XKR4: variants seen among roughly 807,000 people sequenced by gnomAD.
XKR4 encodes the protein XK-related protein 4.
Under a neutral mutation model 53.9 loss-of-function variants are expected in XKR4, and 12 were observed. The observed-to-expected ratio is 0.22, with a 90% CI of 0.14 to 0.36. The LOEUF (loss-of-function observed/expected upper bound fraction) is 0.36. Ranked by LOEUF, XKR4 falls within the 10% of genes least tolerant of loss-of-function variation. The pLI is 1.00. For missense variants in XKR4, 799 were observed against 859.5 expected, an observed-to-expected ratio of 0.93 and a Z score of 0.88; for synonymous variants, 354 against 362.4, an observed-to-expected ratio of 0.98 and a Z score of 0.26.
At chr8:55,444,406 A>T (rs1805315122) in intron 2 of XKR4, among the ~76,000 whole-genome samples, 1 of 152,190 alleles carries the variant, frequency 6.6e-6, no homozygotes, top group Non-Finnish European at 1.5e-5. Context: ...TTTTTCTTTC[A>T]TCAAAAGACT....
At chr8:55,518,534 A>G (rs1297822630) in intron 2 of XKR4, among the ~76,000 whole-genome samples, 1 of 152,230 alleles carries the variant, frequency 6.6e-6, no homozygotes, top group African/African-American at 2.4e-5. Flanking sequence ...AAAATGAAGC[A>G]TAATTATAAA....
At chr8:55,481,440 A>G (rs998510106) in intron 2 of XKR4, among the ~76,000 whole-genome samples, 1 of 152,032 alleles carries the variant, frequency 6.6e-6, no homozygotes, top group African/African-American at 2.4e-5. Context: ...AACCATAAAA[A>G]CCCTAGAAGA....
chr8:55,336,089 G>C (rs1257810218), intron 1 of XKR4, among the ~76,000 whole-genome samples: 2 of 151,112 alleles, frequency 1.3e-5, no homozygotes, highest in Non-Finnish European at 2.9e-5. Flanking sequence ...TTATAAAAGT[G>C]GGTGATATGG....
intron 2 of XKR4, among the ~76,000 whole-genome samples, chr8:55,438,798 G>A (rs1180420924): frequency 6.6e-6 from 1 of 152,154 alleles, no homozygotes; most frequent in African/African-American, 2.4e-5. Context: ...GAGTTGGCAG[G>A]AATATAAGGA....
intron 2 of XKR4, among the ~76,000 whole-genome samples, chr8:55,472,506 C>A (rs946613493): frequency 6.6e-5 from 10 of 152,148 alleles, no homozygotes; most frequent in Admixed American, 6.5e-4. Context: ...CAGAGGGAAA[C>A]GAGACCAGGT....
At chr8:55,384,100 G>C (rs1282180695) in intron 2 of XKR4, among the ~76,000 whole-genome samples, 1 of 152,204 alleles carries the variant, frequency 6.6e-6, no homozygotes, top group Non-Finnish European at 1.5e-5. Flanking sequence ...AGACACTAGA[G>C]GTGAGGACTT....
intron 2 of XKR4, among the ~76,000 whole-genome samples, chr8:55,386,740 G>A (rs765667074): frequency 3.7e-4 from 57 of 152,176 alleles, no homozygotes; most frequent in Admixed American, 4.6e-4. Context: ...GGGAGTACAG[G>A]CCAGTGGACT....
intron 2 of XKR4, among the ~76,000 whole-genome samples, chr8:55,371,001 C>A (rs1585542984): frequency 6.6e-6 from 1 of 151,460 alleles, no homozygotes; most frequent in South Asian, 2.1e-4. Context: ...AAAGAGAGAC[C>A]AAAACCTTAT....
At chr8:55,158,742 T>C (rs1046133412) in intron 1 of XKR4, among the ~76,000 whole-genome samples, 1 of 152,232 alleles carries the variant, frequency 6.6e-6, no homozygotes, top group African/African-American at 2.4e-5. Flanking sequence ...CCATTTACCT[T>C]TCCACATTGC....
At chr8:55,296,746 C>A (rs988656541) in intron 1 of XKR4, among the ~76,000 whole-genome samples, 1 of 151,968 alleles carries the variant, frequency 6.6e-6, no homozygotes, top group East Asian at 1.9e-4. Flanking sequence ...CCAGAGGAGA[C>A]CCTAAGATTG....
At chr8:55,331,113 C>T (rs187474588) in intron 1 of XKR4, among the ~76,000 whole-genome samples, 1 of 152,256 alleles carries the variant, frequency 6.6e-6, no homozygotes, top group East Asian at 1.9e-4. Context: ...ACGCATGAAA[C>T]CATAACTCCC....
rs149115419 is a variant in XKR4, at chr8:55,400,856, G to A, written c.1006+42979G>A. On this transcript the variant is annotated intron_variant, in intron 2 of 2. Coordinates refer to ENST00000327381, the MANE Select transcript of XKR4 (RefSeq NM_052898.2). ...GCCTGTCTGCTGCCCTGTTTCTTAA[G>A]AGCCTCTCTCTCCAGGAAGACTACT... Among the ~76,000 whole-genome samples, 1,408 of 152,246 alleles carry A rather than the reference G, an allele frequency of 9.2e-3. 14 individuals are homozygous for A. Among genetic ancestry groups the A allele is most frequent in the Middle Eastern group, 0.027 (8 of 292 alleles).
intron 2 of XKR4, among the ~76,000 whole-genome samples, chr8:55,372,400 C>T (rs756969639): frequency 3.3e-5 from 5 of 152,226 alleles, no homozygotes; most frequent in African/African-American, 4.8e-5. Context: ...TGAATATCAA[C>T]ACACTGTAAT....
chr8:55,462,663 A>G (rs1805681029), intron 2 of XKR4, among the ~76,000 whole-genome samples: 1 of 152,224 alleles, frequency 6.6e-6, no homozygotes, highest in Non-Finnish European at 1.5e-5. Context: ...TGCTCCAATT[A>G]AAAGCCACAG....
At chr8:55,120,729 T>C (rs1057270858) in intron 1 of XKR4, among the ~76,000 whole-genome samples, 1 of 152,154 alleles carries the variant, frequency 6.6e-6, no homozygotes, top group African/African-American at 2.4e-5. Flanking sequence ...ATTGATATAT[T>C]ATCATGAACT....
intron 2 of XKR4, among the ~76,000 whole-genome samples, chr8:55,508,262 C>T (rs1209658791): frequency 6.6e-6 from 1 of 152,008 alleles, no homozygotes; most frequent in Non-Finnish European, 1.5e-5. Flanking sequence ...TATTTCAGTC[C>T]CCAGGATGCT....
chr8:55,242,920 G>A (rs74824916), intron 1 of XKR4, among the ~76,000 whole-genome samples: 3,363 of 152,276 alleles, frequency 0.022, 131 homozygotes, highest in African/African-American at 0.076. Context: ...CATCTGAGTC[G>A]TGTAAACTAT....
chr8:55,280,021 G>A (rs910926759), intron 1 of XKR4, among the ~76,000 whole-genome samples: 9 of 152,150 alleles, frequency 5.9e-5, no homozygotes. Flanking sequence ...CATTAATGAT[G>A]ACCAAATAAT....
chr8:55,164,789 TACAC>T (rs3048687), intron 1 of XKR4: 2,618 of 165,366 alleles, frequency 0.016, 2 homozygotes, highest in South Asian at 0.039. Context: ...CACACACACA[TACAC>T]ACACACACAC....
Sources: gnomAD v4.1 joint callset for allele counts (sites outside exome capture counted in the v4.1 genomes callset) on GRCh38, gnomAD v4.1.1 for gene constraint, MANE v1.5 for transcripts, NCBI Gene and HGNC (gene_info 2026-07-23, HGNC 2026-07-21) for gene names.